The following NEK10 variants were observed in gnomAD, a reference collection of about 807,000 sequenced individuals.
NEK10 encodes NIMA related kinase 10, also known as serine/threonine-protein kinase Nek10.
In NEK10, 122 loss-of-function variants were observed where a neutral mutation model predicts 159.8. That is an observed-to-expected ratio of 0.76 (90% CI 0.66 to 0.89). NEK10 has a LOEUF of 0.89. NEK10 is among the 40% of genes least tolerant of loss of function. NEK10 has a pLI of 0.00. For synonymous variants in NEK10, 466 were observed against 457.1 expected, an observed-to-expected ratio of 1.02 and a Z score of -0.25; for missense variants, 1,342 against 1,323.1, an observed-to-expected ratio of 1.01 and a Z score of -0.22.
At chr3:27,182,435 G>C (rs1344789280) in intron 26 of NEK10, among the ~76,000 whole-genome samples, 3 of 152,024 alleles carry the variant, frequency 2.0e-5, no homozygotes, top group Admixed American at 2.0e-4. Context: ...ATAATCCATG[G>C]AACAGAATAG....
intron 23 of NEK10, among the ~76,000 whole-genome samples, chr3:27,251,746 G>A (rs1955692919): frequency 6.6e-6 from 1 of 151,976 alleles, no homozygotes; most frequent in Non-Finnish European, 1.5e-5. Context: ...CCACTTTATT[G>A]GTCACTGAAG....
At chr3:27,365,248 C>T (rs528446505) in intron 1 of NEK10, among the ~76,000 whole-genome samples, 119 of 152,256 alleles carry the variant, frequency 7.8e-4, no homozygotes, top group African/African-American at 2.3e-3. Context: ...GTTATGGCTG[C>T]TGTGCTTTAT....
Position 27,206,484 on chromosome 3 carries a change from T to C in NEK10, c.2091-3927A>G, listed in dbSNP as rs184217160. 210 of 576,920 alleles carry C rather than the reference T, an allele frequency of 3.6e-4. No homozygotes were observed. In the African/African-American group the frequency reaches 3.8e-3, roughly 10 times the overall value. 35.7% of individuals were successfully genotyped at this position (576,920 alleles called of 1,614,324 possible). A position where few individuals can be genotyped will look rare whatever the true frequency, so the allele number is the denominator to read the frequency against. On this transcript the variant is annotated intron_variant, in intron 23 of 35. Coordinates refer to ENST00000691995, the MANE Select transcript of NEK10 (RefSeq NM_001394966.1). ...TGGCAAGTTGCAATATTAGAAAAAATGGTTCCTTCCTCCCTCTCAGATACC... is the reference window on the plus strand; with the variant it reads ...TGGCAAGTTGCAATATTAGAAAAAACGGTTCCTTCCTCCCTCTCAGATACC...
chr3:27,266,421 A>G (rs542208758), intron 22 of NEK10, among the ~76,000 whole-genome samples: 1 of 152,266 alleles, frequency 6.6e-6, no homozygotes, highest in Admixed American at 6.5e-5. Flanking sequence ...TTCCTGCACC[A>G]TTTGTTGGAA....
chr3:27,210,681 G>A (rs960592510), intron 23 of NEK10, among the ~76,000 whole-genome samples: 1 of 152,058 alleles, frequency 6.6e-6, no homozygotes, highest in African/African-American at 2.4e-5. Context: ...TTGTTCTTAT[G>A]TACACATGTG....
intron 5 of NEK10, among the ~76,000 whole-genome samples, chr3:27,332,171 C>G (rs1426359174): frequency 1.3e-5 from 2 of 152,112 alleles, no homozygotes; most frequent in Admixed American, 1.3e-4. Context: ...GAAACAACAT[C>G]TTAAAAAGTA....
intron 23 of NEK10, among the ~76,000 whole-genome samples, chr3:27,246,200 T>C (rs1379775878): frequency 6.6e-6 from 1 of 152,180 alleles, no homozygotes; most frequent in Non-Finnish European, 1.5e-5. Context: ...ACAATGGCAT[T>C]ATGTACCTAC....
chr3:27,308,021 G>T (rs970710930), intron 10 of NEK10, 76 bp from the exon 11 acceptor site: 7 of 745,188 alleles, frequency 9.4e-6, no homozygotes, highest in Non-Finnish European at 1.7e-5. Flanking sequence ...TTTCAAACTG[G>T]TATAAAGAAC....
intron 6 of NEK10, among the ~76,000 whole-genome samples, chr3:27,316,790 GAAAA>G (rs11403692): frequency 6.7e-6 from 1 of 150,074 alleles, no homozygotes; most frequent in Non-Finnish European, 1.5e-5. Context: ...AAAGAAAAAA[GAAAA>G]AAAAAGAAAA....
rs1294093256 is a variant in NEK10, at chr3:27,301,693, T to G, written c.1168+3A>C. ...AGCATATCAAATAATAAAACATAAA[T>G]ACCTGCTTGAAGTGAGAAAGTATTT... On this transcript the variant is annotated splice_donor_region_variant and intron_variant, in intron 13 of 35. Transcript: ENST00000691995. 6.5e-7 allele frequency: 1 copy of G among 1,537,792 alleles called. No individual in the cohort carries two copies. Among genetic ancestry groups the G allele is most frequent in the Admixed American group, 1.8e-5 (1 of 55,332 alleles).
chr3:27,153,034 G>T (rs1945038685), intron 30 of NEK10, among the ~76,000 whole-genome samples: 1 of 152,052 alleles, frequency 6.6e-6, no homozygotes, highest in Admixed American at 6.6e-5. Flanking sequence ...CCTAAGAAAT[G>T]AGAATGGCCA....
intron 22 of NEK10, among the ~76,000 whole-genome samples, chr3:27,280,909 TATG>T (rs72097772): frequency 0.035 from 4,269 of 121,284 alleles, 99 homozygotes; most frequent in Non-Finnish European, 0.047. Flanking sequence ...TATATGTACA[TATG>T]GTGTGTGTGT....
At chr3:27,221,485 A>T (rs1188221189) in intron 23 of NEK10, among the ~76,000 whole-genome samples, 1 of 152,244 alleles carries the variant, frequency 6.6e-6, no homozygotes, top group African/African-American at 2.4e-5. Context: ...AGGAGATTGG[A>T]ACCTTCACAT....
chr3:27,239,093 T>C (rs1444873645), intron 23 of NEK10, among the ~76,000 whole-genome samples: 1 of 152,050 alleles, frequency 6.6e-6, no homozygotes, highest in East Asian at 1.9e-4. Context: ...AAAGGTACTT[T>C]CCATTTTTCA....
chr3:27,289,500 T>G (rs1034521685), intron 19 of NEK10, among the ~76,000 whole-genome samples: 1 of 152,212 alleles, frequency 6.6e-6, no homozygotes. Context: ...GTTTCTTTTC[T>G]TAGGAAATGT....
chr3:27,241,413 A>G lies in NEK10; in HGVS notation c.2090+14883T>C, dbSNP rs188874860. The stretch of plus-strand genomic sequence containing the variant: ...TTGTCTGAGGATTTTCTTTAATCTC[A>G]TGACTTTCTGTGTCTGCAACATGAT... On this transcript the variant is annotated intron_variant, in intron 23 of 35. Transcript: ENST00000691995. 1.1e-4 allele frequency among the ~76,000 whole-genome samples: 17 copies of G among 152,242 alleles called. No homozygotes were observed. In the East Asian group the frequency reaches 2.7e-3, roughly 24 times the overall value.
At chr3:27,220,506 T>A (rs1376467923) in intron 23 of NEK10, among the ~76,000 whole-genome samples, 1 of 151,918 alleles carries the variant, frequency 6.6e-6, no homozygotes, top group South Asian at 2.1e-4. Context: ...CTACCTTAAT[T>A]CCCCTTCACC....
At chr3:27,278,034 C>A (rs1475413925) in intron 22 of NEK10, among the ~76,000 whole-genome samples, 1 of 152,146 alleles carries the variant, frequency 6.6e-6, no homozygotes. Context: ...TTAGGCTTTG[C>A]CTAAATGGAA....
At chr3:27,248,881 G>A (rs1348909340) in intron 23 of NEK10, among the ~76,000 whole-genome samples, 1 of 152,168 alleles carries the variant, frequency 6.6e-6, no homozygotes, top group Non-Finnish European at 1.5e-5. Flanking sequence ...TTGGTCTACA[G>A]TGCAGATTAA....
Sources: allele counts gnomAD v4.1 joint callset (sites outside exome capture counted in the v4.1 genomes callset), GRCh38; gene constraint gnomAD v4.1.1; transcripts MANE v1.5; gene names NCBI Gene and HGNC (gene_info 2026-07-23, HGNC 2026-07-21).